Variants in FRYL observed in about 807,000 individuals in gnomAD.
FRYL encodes the protein FRY like transcription coactivator.
FRYL carries 150 observed loss-of-function variants against 351.2 expected under a neutral mutation model. The observed-to-expected ratio is 0.43, with a 90% CI of 0.37 to 0.49. The LOEUF is 0.49. Ranked by LOEUF, FRYL falls within the 20% of genes least tolerant of loss-of-function variation. The pLI is 0.00. For synonymous variants in FRYL, 1,153 were observed against 1,257.1 expected (o/e 0.92, Z 1.75); for missense variants, 3,036 against 3,619.3 (o/e 0.84, Z 4.13).
chr4:48,581,204 C>A (rs1740823909), intron 21 of FRYL, among the ~76,000 whole-genome samples: 2 of 151,976 alleles, frequency 1.3e-5, no homozygotes, highest in African/African-American at 4.8e-5. Context: ...CCACGCCCGG[C>A]TAATTTTTTT....
At chr4:48,551,137 C>T (rs532774602) in intron 37 of FRYL, among the ~76,000 whole-genome samples, 3 of 151,850 alleles carry the variant, frequency 2.0e-5, no homozygotes, top group South Asian at 2.1e-4. Flanking sequence ...TTAATTTCCA[C>T]CTTATAATCC....
chr4:48,528,132 T>C (rs1577955514), intron 51 of FRYL, 43 bp downstream of exon 51: 1 of 1,581,358 alleles, frequency 6.3e-7, no homozygotes, highest in East Asian at 2.3e-5. Flanking sequence ...CAAAACTGAT[T>C]CTTCTGTTCT....
At chr4:48,753,107 G>A (rs565748785) in intron 1 of FRYL, among the ~76,000 whole-genome samples, 5 of 152,106 alleles carry the variant, frequency 3.3e-5, no homozygotes, top group Admixed American at 1.3e-4. Context: ...TGGATTGCAG[G>A]GAAAGAAAAT....
At chr4:48,621,976 C>A (rs1303666631) in intron 5 of FRYL, among the ~76,000 whole-genome samples, 1 of 152,008 alleles carries the variant, frequency 6.6e-6, no homozygotes, top group African/African-American at 2.4e-5. Context: ...ATTTCATTAA[C>A]AATGAACACT....
At chr4:48,618,681 A>G (rs144679492) in intron 7 of FRYL, 1 of 151,888 alleles carries the variant, frequency 6.6e-6, no homozygotes, top group East Asian at 1.9e-4. Context: ...ACACTATATT[A>G]TATATTCATA....
At chr4:48,569,327 G>A (rs780820380) in intron 27 of FRYL, among the ~76,000 whole-genome samples, 8 of 151,728 alleles carry the variant, frequency 5.3e-5, no homozygotes, top group Non-Finnish European at 8.8e-5. Context: ...TTCTTTTGAG[G>A]CGGAGTTTCA....
chr4:48,634,608 C>T, intron 3 of FRYL, 118 bp from the exon 4 acceptor site: 1 of 630,202 alleles, frequency 1.6e-6, no homozygotes, highest in South Asian at 1.9e-5. Flanking sequence ...TCCCAATCTC[C>T]TCTACCATAA....
At chr4:48,717,387 G>A (rs1282772816) in intron 1 of FRYL, among the ~76,000 whole-genome samples, 1 of 151,548 alleles carries the variant, frequency 6.6e-6, no homozygotes, top group Non-Finnish European at 1.5e-5. Flanking sequence ...CTAACAAAGA[G>A]AAACCACGTA....
intron 3 of FRYL, among the ~76,000 whole-genome samples, chr4:48,680,554 C>T (rs1186102721): frequency 1.3e-5 from 2 of 151,776 alleles, no homozygotes; most frequent in African/African-American, 4.8e-5. Context: ...TAAAATAAAA[C>T]AATGGAACAT....
chr4:48,588,971 C>A (rs1387080846), intron 18 of FRYL, among the ~76,000 whole-genome samples: 1 of 152,108 alleles, frequency 6.6e-6, no homozygotes, highest in Non-Finnish European at 1.5e-5. Flanking sequence ...CAAGATTTCC[C>A]AGAGGAAGTA....
intron 1 of FRYL, among the ~76,000 whole-genome samples, chr4:48,712,539 A>G (rs1477312336): frequency 1.3e-5 from 2 of 152,208 alleles, no homozygotes; most frequent in Non-Finnish European, 2.9e-5. Flanking sequence ...AAAGAAATGA[A>G]CAAAGCCTCC....
At chr4:48,529,131 C>G (rs1726955469) in intron 50 of FRYL, among the ~76,000 whole-genome samples, 1 of 152,124 alleles carries the variant, frequency 6.6e-6, no homozygotes, top group African/African-American at 2.4e-5. Context: ...CCTATGTTGC[C>G]CCTTTGCATG....
chr4:48,671,858 C>CAAAAAAAAAAAAAAAAAAAAAA (rs1226492542), intron 3 of FRYL, among the ~76,000 whole-genome samples: 2 of 22,398 alleles, frequency 8.9e-5, no homozygotes, highest in Admixed American at 7.5e-4. Context: ...GTCTCAAAAA[C>CAAAAAAAAAAAAAAAAAAAAAA]AAAAAAAAAA....
At chr4:48,538,585 T>C (rs977200383) in intron 47 of FRYL, among the ~76,000 whole-genome samples, 3 of 152,132 alleles carry the variant, frequency 2.0e-5, no homozygotes, top group African/African-American at 7.2e-5. Flanking sequence ...TTTATTTGGC[T>C]TCCTGCATGC....
chr4:48,695,313 G>C (rs1404011401), intron 2 of FRYL, among the ~76,000 whole-genome samples: 1 of 151,994 alleles, frequency 6.6e-6, no homozygotes, highest in African/African-American at 2.4e-5. Context: ...GAAAAATAGA[G>C]TACTAAATAA....
intron 11 of FRYL, 78 bp downstream of exon 11, chr4:48,605,663 G>A (rs553135298): frequency 2.1e-6 from 2 of 957,742 alleles, no homozygotes; most frequent in East Asian, 2.5e-5. Context: ...AGTATTTTTA[G>A]GACAAAAAAT....
chr4:48,733,339 A>T (rs1454497077), intron 1 of FRYL, among the ~76,000 whole-genome samples: 1 of 151,822 alleles, frequency 6.6e-6, no homozygotes, highest in Non-Finnish European at 1.5e-5. Flanking sequence ...TATCCTGTGA[A>T]ATTATCCTTC....
chr4:48,745,496 C>T (rs890157556), intron 1 of FRYL, among the ~76,000 whole-genome samples: 7 of 151,954 alleles, frequency 4.6e-5, no homozygotes, highest in African/African-American at 1.2e-4. Flanking sequence ...GCAAACTTAT[C>T]GCAAGGACAA....
rs1476728171 is a variant in FRYL, at chr4:48,620,766, T to C, written c.187A>G (p.Met63Val). 7 of 1,612,934 alleles carry C rather than the reference T, an allele frequency of 4.3e-6. No individual in the cohort carries two copies. Among genetic ancestry groups the C allele is most frequent in the African/African-American group, 2.7e-5 (2 of 74,896 alleles). Reference sequence around the variant, plus strand: ...AGACAGTGCTCTGCTACTGAGCTCATAGAGCTTATCAACTGAAAACACAAG... The same window carrying C: ...AGACAGTGCTCTGCTACTGAGCTCACAGAGCTTATCAACTGAAAACACAAG... ...DLQFDQLISS[M>V]SSVAEHCLPS... Residue 63 changes from methionine to valine, a missense_variant, in exon 6 of 64, where the codon ATG (methionine) becomes GTG (valine). Around this residue, in one of 7 missense-constraint regions of FRYL, gnomAD observed 457 missense variants for 566.6 expected, o/e 0.81. Coordinates refer to ENST00000358350, the MANE Select transcript of FRYL (RefSeq NM_015030.2).
Sources: gnomAD v4.1 joint callset for allele counts (sites outside exome capture counted in the v4.1 genomes callset) on GRCh38, gnomAD v4.1.1 for gene constraint, gnomAD v4.1.1 regional missense constraint, MANE v1.5 for transcripts, NCBI Gene and HGNC (gene_info 2026-07-23, HGNC 2026-07-21) for gene names.